The following SEMA3C variants were observed in gnomAD, a reference collection of about 807,000 sequenced individuals.
SEMA3C encodes the protein semaphorin-3C.
A neutral mutation model predicts 89.4 loss-of-function variants in SEMA3C; 47 were observed. The observed-to-expected ratio is 0.53, with a 90% CI of 0.42 to 0.67. The LOEUF is 0.67. Ranked by LOEUF, SEMA3C falls within the 30% of genes least tolerant of loss-of-function variation. The probability of loss-of-function intolerance (pLI) is 0.00; values close to 1 mark genes in which losing one functional copy is unlikely to be tolerated. For synonymous variants in SEMA3C, 310 were observed against 320.2 expected (o/e 0.97, Z 0.34); for missense variants, 839 against 929.1 (o/e 0.90, Z 1.26).
intron 12 of SEMA3C, among the ~76,000 whole-genome samples, chr7:80,766,415 C>G (rs1788304497): frequency 9.9e-6 from 1 of 101,138 alleles, no homozygotes; most frequent in Non-Finnish European, 1.9e-5. Context: ...TCAGCTATGA[C>G]AGGAAATATC....
chr7:80,905,201 G>A (rs1278563353), intron 2 of SEMA3C, among the ~76,000 whole-genome samples: 1 of 140,106 alleles, frequency 7.1e-6, no homozygotes, highest in Non-Finnish European at 1.5e-5. Context: ...GAGGAGGTGG[G>A]AAGAGGGAGG....
rs778543422 is a variant in SEMA3C, at chr7:80,789,394, A to G, written c.1266T>C (p.Arg422=). The part of the protein sequence containing the change: ...YPIHKRPLIV[R]IGTDYKYTKI... ...TTGTATACTTGTAGTCAGTGCCAAT[A>G]CGAACAATCAAAGGCCTTTTGTGGA... Residue 422 remains arginine, a synonymous_variant, in exon 12 of 18, where the codon CGT becomes CGC. Coordinates refer to ENST00000265361, the MANE Select transcript of SEMA3C (RefSeq NM_006379.5). The G allele has an allele frequency of 6.2e-7, 1 of 1,614,106 alleles. No homozygotes were observed. Among genetic ancestry groups the G allele is most frequent in the Non-Finnish European group, 8.5e-7 (1 of 1,179,976 alleles).
chr7:80,765,608 G>C (rs1162084866), intron 12 of SEMA3C, among the ~76,000 whole-genome samples: 1 of 151,782 alleles, frequency 6.6e-6, no homozygotes, highest in Admixed American at 6.6e-5. Flanking sequence ...ACAGTGTCTT[G>C]CTCTCTTGCC....
intron 4 of SEMA3C, among the ~76,000 whole-genome samples, chr7:80,823,185 T>C (rs1350335058): frequency 1.3e-5 from 2 of 152,210 alleles, no homozygotes; most frequent in African/African-American, 4.8e-5. Flanking sequence ...ATTTACTTTC[T>C]TTAACAGCGA....
intron 13 of SEMA3C, among the ~76,000 whole-genome samples, chr7:80,764,563 GT>G (rs35732349): frequency 2.0e-5 from 3 of 150,966 alleles, no homozygotes; most frequent in East Asian, 2.0e-4. Flanking sequence ...CCTTGTGTAT[GT>G]TTTTTTTTCT....
chr7:80,841,600 T>C (rs978305790), intron 2 of SEMA3C, among the ~76,000 whole-genome samples: 3 of 152,102 alleles, frequency 2.0e-5, no homozygotes, highest in Non-Finnish European at 4.4e-5. Flanking sequence ...AAAATCCCCA[T>C]CTCTAGATTC....
chr7:80,773,964 T>C (rs2117078332), intron 12 of SEMA3C, among the ~76,000 whole-genome samples: 1 of 152,312 alleles, frequency 6.6e-6, no homozygotes, highest in African/African-American at 2.4e-5. Context: ...CATTAACACC[T>C]TGTTAAAAAC....
At chr7:80,829,733 G>C (rs1789966287) in intron 2 of SEMA3C, among the ~76,000 whole-genome samples, 1 of 152,056 alleles carries the variant, frequency 6.6e-6, no homozygotes, top group African/African-American at 2.4e-5. Context: ...GCTGGCCTTT[G>C]AAGACAATCA....
chr7:80,863,306 T>A (rs1790817549), intron 2 of SEMA3C, among the ~76,000 whole-genome samples: 1 of 150,114 alleles, frequency 6.7e-6, no homozygotes. Flanking sequence ...GAATACCACC[T>A]TACTCCTGCA....
chr7:80,797,375 C>T (rs1354578769), intron 11 of SEMA3C, among the ~76,000 whole-genome samples: 1 of 152,036 alleles, frequency 6.6e-6, no homozygotes, highest in Non-Finnish European at 1.5e-5. Context: ...GTATCTTCAG[C>T]TGGAAAACTG....
intron 2 of SEMA3C, among the ~76,000 whole-genome samples, chr7:80,884,158 C>T (rs947032308): frequency 1.3e-5 from 2 of 152,054 alleles, no homozygotes; most frequent in Non-Finnish European, 1.5e-5. Context: ...GAAATTTACC[C>T]GATTTTATAT....
At chr7:80,864,121 T>G (rs190325669) in intron 2 of SEMA3C, among the ~76,000 whole-genome samples, 48 of 152,172 alleles carry the variant, frequency 3.2e-4, no homozygotes, top group Non-Finnish European at 2.2e-4. Flanking sequence ...AGACTACTAT[T>G]CTAAGTGAAG....
At chr7:80,757,935 C>T (rs112997404) in intron 15 of SEMA3C, among the ~76,000 whole-genome samples, 1,772 of 152,198 alleles carry the variant, frequency 0.012, 35 homozygotes, top group African/African-American at 0.041. Flanking sequence ...CATTGCACTC[C>T]AGCCTGGGTG....
chr7:80,770,920 A>C (rs923900324), intron 12 of SEMA3C, among the ~76,000 whole-genome samples: 10 of 152,248 alleles, frequency 6.6e-5, no homozygotes, highest in Non-Finnish European at 1.5e-4. Context: ...TTTGAGAACA[A>C]GCAATGCAGA....
chr7:80,858,981 A>G (rs555821201), intron 2 of SEMA3C, among the ~76,000 whole-genome samples: 1 of 152,156 alleles, frequency 6.6e-6, no homozygotes, highest in Non-Finnish European at 1.5e-5. Flanking sequence ...CTCAGACTTT[A>G]CAAGAGTTTT....
intron 2 of SEMA3C, among the ~76,000 whole-genome samples, chr7:80,893,342 T>A (rs1338684725): frequency 6.6e-6 from 1 of 152,060 alleles, no homozygotes; most frequent in African/African-American, 2.4e-5. Flanking sequence ...CAGAACAAAT[T>A]GGGAAATTTA....
chr7:80,806,081 G>A (rs1230616504), intron 6 of SEMA3C, among the ~76,000 whole-genome samples: 3 of 151,604 alleles, frequency 2.0e-5, no homozygotes, highest in Non-Finnish European at 4.4e-5. Context: ...ATCAGAAATG[G>A]CAGACGTATA....
intron 2 of SEMA3C, among the ~76,000 whole-genome samples, chr7:80,866,154 A>C (rs1790921902): frequency 6.6e-6 from 1 of 152,190 alleles, no homozygotes; most frequent in Non-Finnish European, 1.5e-5. Flanking sequence ...AATTTGCATA[A>C]AACTCTATTA....
At chr7:80,816,688 C>T (rs560311264) in intron 5 of SEMA3C, among the ~76,000 whole-genome samples, 2 of 152,284 alleles carry the variant, frequency 1.3e-5, no homozygotes, top group Non-Finnish European at 2.9e-5. Context: ...TAACCCTGTT[C>T]ATACCTAAAT....
Sources: allele counts gnomAD v4.1 joint callset (sites outside exome capture counted in the v4.1 genomes callset), GRCh38; gene constraint gnomAD v4.1.1; transcripts MANE v1.5; gene names NCBI Gene and HGNC (gene_info 2026-07-23, HGNC 2026-07-21).